ZNF610: variants seen among roughly 807,000 people sequenced by gnomAD.
The protein encoded by ZNF610 is zink finger protein.
ZNF610 carries 14 observed loss-of-function variants against 14.1 expected under a neutral mutation model. The ratio of observed to expected loss-of-function variants is 0.99; its 90% CI spans 0.65 to 1.55. The LOEUF (loss-of-function observed/expected upper bound fraction) is 1.55, where lower values mean the gene tolerates loss of function less well. Ranked by LOEUF, ZNF610 falls within the 40% of genes most tolerant of loss-of-function variation. The pLI, the probability that ZNF610 is intolerant of heterozygous loss-of-function variation, is 0.00. For missense variants in ZNF610, 530 were observed against 558.0 expected (o/e 0.95, Z 0.51); for synonymous variants, 185 against 187.6 (o/e 0.99, Z 0.11).
At chr19:52,337,684 C>T (rs944250453) in intron 1 of ZNF610, among the ~76,000 whole-genome samples, 2 of 152,050 alleles carry the variant, frequency 1.3e-5, no homozygotes, top group South Asian at 2.1e-4. Flanking sequence ...TGCAGATGAG[C>T]GATGAGTTGA....
chr19:52,346,562 T>C (rs1453822987), intron 1 of ZNF610, among the ~76,000 whole-genome samples: 2 of 152,154 alleles, frequency 1.3e-5, no homozygotes. Context: ...CCTCCCAAAG[T>C]TCTGGGGTTA....
intron 5 of ZNF610, among the ~76,000 whole-genome samples, chr19:52,364,192 AT>A (rs1985915274): frequency 6.6e-6 from 1 of 152,214 alleles, no homozygotes; most frequent in African/African-American, 2.4e-5. Context: ...CCATTAACAC[AT>A]TTTAGTGCTT....
chr19:52,361,779 G>C (rs11666131), intron 5 of ZNF610, among the ~76,000 whole-genome samples: 1 of 151,806 alleles, frequency 6.6e-6, no homozygotes, highest in African/African-American at 2.4e-5. Flanking sequence ...CTTACCATTC[G>C]AAGTATGAGC....
At chr19:52,347,556 G>A (rs143376626) in intron 1 of ZNF610, among the ~76,000 whole-genome samples, 151 bp from the exon 2 acceptor site, 22 of 152,206 alleles carry the variant, frequency 1.4e-4, no homozygotes, top group South Asian at 1.2e-3. Flanking sequence ...TCACACTGTC[G>A]CCCAGGCCGG....
chr19:52,359,787 G>GT (rs1185907561), intron 5 of ZNF610, among the ~76,000 whole-genome samples: 2 of 152,144 alleles, frequency 1.3e-5, no homozygotes, highest in East Asian at 3.9e-4. Flanking sequence ...AGGGCTCAGT[G>GT]TCAAAGGCTT....
At chr19:52,357,313 T>C (rs1335963993) in intron 5 of ZNF610, among the ~76,000 whole-genome samples, 4 of 152,226 alleles carry the variant, frequency 2.6e-5, no homozygotes, top group Middle Eastern at 3.4e-3. Flanking sequence ...TCCCAGGAGT[T>C]TGAGACCAGC....
chr19:52,357,782 C>T (rs1489492228), intron 5 of ZNF610, among the ~76,000 whole-genome samples: 1 of 152,106 alleles, frequency 6.6e-6, no homozygotes, highest in East Asian at 1.9e-4. Context: ...CGCGCCACTG[C>T]ACTGCAGCCT....
In ZNF610 at chr19:52,353,773, T is replaced by C. The variant is rs1985382815; in HGVS notation, c.155T>C (p.Val52Ala). Residue 52 changes from valine (V) to alanine (A), a missense_variant, in exon 4 of 6, where the codon GTG (valine) becomes GCG (alanine). By Grantham distance (64) the Val-to-Ala change is moderately conservative (BLOSUM62 0). Transcript: ENST00000403906. ...GGACAGAGGGCTTTATACAGGGACG[T>C]GATGTTGGAGAACTACAGGAACCTG... ...DPGQRALYRD[V>A]MLENYRNLVF... 4.3e-6 allele frequency: 7 copies of C among 1,612,990 alleles called. No homozygotes were observed. Among genetic ancestry groups the C allele is most frequent in the Non-Finnish European group, 5.9e-6 (7 of 1,179,776 alleles).
intron 5 of ZNF610, among the ~76,000 whole-genome samples, chr19:52,357,381 C>A (rs918966750): frequency 6.6e-6 from 1 of 152,082 alleles, no homozygotes; most frequent in South Asian, 2.1e-4. Flanking sequence ...CGCAGTGGCT[C>A]ACGCCTGTAA....
chr19:52,349,307 G>A (rs1216394826), intron 3 of ZNF610, 72 bp downstream of exon 3: 28 of 1,511,178 alleles, frequency 1.9e-5, no homozygotes, highest in East Asian at 1.1e-4. Flanking sequence ...TGCCTGACAC[G>A]TTTGCTCACA....
At chr19:52,352,530 A>G (rs948832085) in intron 3 of ZNF610, among the ~76,000 whole-genome samples, 1 of 151,986 alleles carries the variant, frequency 6.6e-6, no homozygotes, top group Non-Finnish European at 1.5e-5. Flanking sequence ...GAGTCACCGC[A>G]CCGGGCCAAA....
chr19:52,332,127 A>G (rs1291940683), upstream of ZNF610, among the ~76,000 whole-genome samples: 1 of 152,274 alleles, frequency 6.6e-6, no homozygotes, highest in Non-Finnish European at 1.5e-5. This position sits in a 1 kb window ranked among gnomAD's most constrained non-coding sequence, Gnocchi z 4.1. Flanking sequence ...TACTGGGAGC[A>G]GTGCTTTAAA....
intron 1 of ZNF610, among the ~76,000 whole-genome samples, chr19:52,340,553 T>C (rs2122175838): frequency 6.6e-6 from 1 of 152,232 alleles, no homozygotes; most frequent in South Asian, 2.1e-4. Context: ...GAATGATCTG[T>C]CCCTGCTCCT....
At position 52,355,007 on chromosome 19, in the gene ZNF610, A is replaced by G. The variant is rs73934434; in HGVS notation, c.319+628A>G. On this transcript the variant is annotated intron_variant, in intron 5 of 5. Transcript: ENST00000403906. ...TTGCTCTCTCTTGTCACTCAGTTCT[A>G]TAAATGTGTGATAGTTTCATCTTTT... Among the ~76,000 whole-genome samples the G allele has an allele frequency of 9.0e-3, 1,378 of 152,306 alleles. 17 individuals carry two copies. The highest frequency in any genetic ancestry group is 0.031 in the African/African-American group (1,293 of 41,568).
At chr19:52,364,984 G>A (rs529318926) in intron 5 of ZNF610, among the ~76,000 whole-genome samples, 1 of 152,132 alleles carries the variant, frequency 6.6e-6, no homozygotes, top group South Asian at 2.1e-4. Context: ...GGTGGCTCAC[G>A]CCTGTAATCT....
chr19:52,357,291 C>T (rs1032305680), intron 5 of ZNF610, among the ~76,000 whole-genome samples: 5 of 152,202 alleles, frequency 3.3e-5, no homozygotes, highest in African/African-American at 4.8e-5. Flanking sequence ...CTGAGGTGGG[C>T]GCATTACTTG....
chr19:52,334,810 C>T (rs143795803), upstream of ZNF610, among the ~76,000 whole-genome samples: 105 of 150,954 alleles, frequency 7.0e-4, no homozygotes, highest in African/African-American at 2.5e-3. Flanking sequence ...AAGCCTGTAG[C>T]CCCAGCTACT....
At chr19:52,334,109 G>T (rs148347749), upstream of ZNF610, among the ~76,000 whole-genome samples, 3 of 152,182 alleles carry the variant, frequency 2.0e-5, no homozygotes, top group African/African-American at 7.2e-5. Flanking sequence ...ACTAGTATAA[G>T]ATGTTAATAA....
At chr19:52,341,320 A>G (rs1214287549) in intron 1 of ZNF610, among the ~76,000 whole-genome samples, 1 of 151,260 alleles carries the variant, frequency 6.6e-6, no homozygotes, top group Non-Finnish European at 1.5e-5. Context: ...TTTTATTTTT[A>G]TTTTTTTTGA....
Sources: gnomAD v4.1 joint callset for allele counts (sites outside exome capture counted in the v4.1 genomes callset) on GRCh38, gnomAD v4.1.1 for gene constraint, Gnocchi (gnomAD v3.1) non-coding constraint, MANE v1.5 for transcripts, NCBI Gene and HGNC (gene_info 2026-07-23, HGNC 2026-07-21) for gene names.